The following CCDC141 variants were observed in gnomAD, a reference collection of about 807,000 sequenced individuals.
The protein encoded by CCDC141 is coiled-coil domain-containing protein 141.
A neutral mutation model predicts 181.0 loss-of-function variants in CCDC141; 168 were observed. That is an observed-to-expected ratio of 0.93 (90% CI 0.82 to 1.05). The LOEUF (loss-of-function observed/expected upper bound fraction) is 1.05, where lower values mean the gene tolerates loss of function less well. Among genes scored for constraint, CCDC141 ranks in the 50% least tolerant of loss-of-function variants. CCDC141 has a pLI of 0.00. For missense variants in CCDC141, 1,902 were observed against 1,788.5 expected (o/e 1.06, Z -1.14); for synonymous variants, 666 against 642.3 (o/e 1.04, Z -0.56).
intron 6 of CCDC141, among the ~76,000 whole-genome samples, chr2:178,923,578 C>T (rs1287216877): frequency 6.6e-6 from 1 of 152,126 alleles, no homozygotes; most frequent in African/African-American, 2.4e-5. Context: ...CTAACAGGGT[C>T]TCAGTCACTT....
intron 2 of CCDC141, among the ~76,000 whole-genome samples, chr2:179,004,239 T>C (rs2042062243): frequency 1.3e-5 from 2 of 152,178 alleles, no homozygotes; most frequent in Admixed American, 6.5e-5. Context: ...GATATATTCC[T>C]CTCTATGCAT....
chr2:179,040,430 A>T (rs1467164747), intron 2 of CCDC141, among the ~76,000 whole-genome samples: 1 of 152,192 alleles, frequency 6.6e-6, no homozygotes, highest in Non-Finnish European at 1.5e-5. Context: ...GGTTTGTTAC[A>T]TAGGTAAATA....
chr2:178,859,590 A>C (rs1685517325), intron 17 of CCDC141, among the ~76,000 whole-genome samples: 1 of 152,120 alleles, frequency 6.6e-6, no homozygotes, highest in Non-Finnish European at 1.5e-5. Context: ...AAGTTCCTCA[A>C]AGTCTTCAGA....
chr2:178,931,937 G>A (rs1247577065), intron 6 of CCDC141, among the ~76,000 whole-genome samples: 1 of 152,088 alleles, frequency 6.6e-6, no homozygotes, highest in Non-Finnish European at 1.5e-5. Context: ...AGGCTGAGGA[G>A]GGCAGTTCAC....
chr2:178,993,613 A>T (rs1295095512), intron 2 of CCDC141, among the ~76,000 whole-genome samples: 4 of 152,160 alleles, frequency 2.6e-5, no homozygotes, highest in African/African-American at 9.7e-5. Context: ...CCCAAATCTC[A>T]TGTCCTTATA....
At chr2:178,870,231 C>CAAAAAAAAAAAAAAA (rs34625707) in intron 14 of CCDC141, among the ~76,000 whole-genome samples, 1 of 60,294 alleles carries the variant, frequency 1.7e-5, no homozygotes, top group Non-Finnish European at 3.2e-5. Flanking sequence ...GACTCTGTCT[C>CAAAAAAAAAAAAAAA]AAAAAAAAAA....
intron 2 of CCDC141, among the ~76,000 whole-genome samples, chr2:179,041,662 A>C (rs186457906): frequency 4.7e-4 from 72 of 152,210 alleles, no homozygotes; most frequent in Non-Finnish European, 8.1e-4. Context: ...TGCTGTCTTT[A>C]AGAGATCATC....
chr2:178,958,847 A>C (rs1284634645), intron 5 of CCDC141, among the ~76,000 whole-genome samples: 1 of 150,836 alleles, frequency 6.6e-6, no homozygotes, highest in East Asian at 1.9e-4. Context: ...TCTTGGGAAA[A>C]CTGTTCTGTT....
intron 2 of CCDC141, among the ~76,000 whole-genome samples, chr2:179,012,646 G>A (rs2042303450): frequency 6.6e-6 from 1 of 151,968 alleles, no homozygotes; most frequent in Admixed American, 6.6e-5. Flanking sequence ...ACCAAAACCA[G>A]GAAAGGACAT....
intron 4 of CCDC141, among the ~76,000 whole-genome samples, chr2:178,963,307 G>A (rs556492344): frequency 1.3e-5 from 2 of 152,308 alleles, no homozygotes; most frequent in East Asian, 1.9e-4. Flanking sequence ...AAAGTGAGCT[G>A]AGAAGTGGGA....
chr2:178,900,830 T>G (rs1228431313), intron 8 of CCDC141, among the ~76,000 whole-genome samples: 1 of 152,166 alleles, frequency 6.6e-6, no homozygotes, highest in African/African-American at 2.4e-5. Flanking sequence ...CCCTCATGCC[T>G]TAACCAACTA....
intron 23 of CCDC141, among the ~76,000 whole-genome samples, chr2:178,835,016 A>G (rs535075309): frequency 6.6e-6 from 1 of 152,206 alleles, no homozygotes; most frequent in Non-Finnish European, 1.5e-5. Flanking sequence ...AAAAACAAAA[A>G]CAAAAACAAA....
At chr2:178,985,824 A>G (rs1216594948) in intron 2 of CCDC141, among the ~76,000 whole-genome samples, 1 of 152,210 alleles carries the variant, frequency 6.6e-6, no homozygotes, top group African/African-American at 2.4e-5. Flanking sequence ...GGCAATAATC[A>G]ATAGTGTACC....
chr2:178,921,487 G>T (rs1688685289), intron 6 of CCDC141, among the ~76,000 whole-genome samples: 1 of 152,096 alleles, frequency 6.6e-6, no homozygotes, highest in Non-Finnish European at 1.5e-5. Flanking sequence ...TTATTGATTA[G>T]TGTTAAGTAT....
chr2:178,961,527 G>A (rs2154378990), intron 4 of CCDC141, 44 bp from the exon 5 acceptor site: 1 of 1,408,124 alleles, frequency 7.1e-7, no homozygotes, highest in East Asian at 2.5e-5. Context: ...ATATTAGCAA[G>A]CTTTTATACA....
chr2:178,855,971 GTGCA>G (rs1208879666), intron 18 of CCDC141, among the ~76,000 whole-genome samples: 2 of 152,156 alleles, frequency 1.3e-5, no homozygotes, highest in Non-Finnish European at 2.9e-5. Context: ...TAGAAGGCAC[GTGCA>G]TGCATCCATG....
At chr2:179,028,314 C>T (rs1231738583) in intron 2 of CCDC141, among the ~76,000 whole-genome samples, 1 of 152,202 alleles carries the variant, frequency 6.6e-6, no homozygotes, top group East Asian at 1.9e-4. Flanking sequence ...TCACACTATA[C>T]TTTATAAGTG....
At chr2:178,897,515 T>C (rs1215637697) in intron 8 of CCDC141, among the ~76,000 whole-genome samples, 1 of 152,160 alleles carries the variant, frequency 6.6e-6, no homozygotes, top group Non-Finnish European at 1.5e-5. Flanking sequence ...GCAGTAAGTG[T>C]TGGATCAAAA....
chr2:178,923,921 C>A (rs1270505827), intron 6 of CCDC141, among the ~76,000 whole-genome samples: 1 of 152,204 alleles, frequency 6.6e-6, no homozygotes, highest in Non-Finnish European at 1.5e-5. Context: ...CTTCCCCCCA[C>A]TGCTAGTCCT....
Sources: gnomAD v4.1 joint callset for allele counts (sites outside exome capture counted in the v4.1 genomes callset) on GRCh38, gnomAD v4.1.1 for gene constraint, MANE v1.5 for transcripts, NCBI Gene and HGNC (gene_info 2026-07-23, HGNC 2026-07-21) for gene names.